Variants in RNF13 observed in about 807,000 individuals in gnomAD.
RNF13 encodes the protein E3 ubiquitin-protein ligase RNF13.
A neutral mutation model predicts 37.7 loss-of-function variants in RNF13; 19 were observed. That is an observed-to-expected ratio of 0.50 (90% CI 0.35 to 0.74). The LOEUF (loss-of-function observed/expected upper bound fraction) is 0.74. Ranked by LOEUF, RNF13 falls within the 30% of genes least tolerant of loss-of-function variation. The pLI, the probability that RNF13 is intolerant of heterozygous loss-of-function variation, is 0.01. For synonymous variants in RNF13, 144 were observed against 157.8 expected, an observed-to-expected ratio of 0.91 and a Z score of 0.65; for missense variants, 375 against 453.0, an observed-to-expected ratio of 0.83 and a Z score of 1.56.
intron 3 of RNF13, among the ~76,000 whole-genome samples, chr3:149,860,270 A>T (rs536414667): frequency 0.013 from 1,311 of 104,002 alleles, 16 homozygotes; most frequent in Non-Finnish European, 0.016. Flanking sequence ...AAAAAAAAAA[A>T]ATATATATAT....
chr3:149,898,501 T>A (rs985465575), intron 5 of RNF13, among the ~76,000 whole-genome samples: 24 of 152,246 alleles, frequency 1.6e-4, no homozygotes, highest in Admixed American at 5.2e-4. Flanking sequence ...GAATCCCAGC[T>A]TTACCACCTA....
intron 4 of RNF13, among the ~76,000 whole-genome samples, chr3:149,889,292 C>CGTGCGTGT (rs1553761925): frequency 1.4e-4 from 20 of 138,122 alleles, no homozygotes; most frequent in Admixed American, 6.6e-4. Flanking sequence ...TTTGAGTGTG[C>CGTGCGTGT]GTGTGTGTGT....
chr3:149,914,674 C>A (rs1199789517), intron 7 of RNF13, among the ~76,000 whole-genome samples: 11 of 152,104 alleles, frequency 7.2e-5, no homozygotes, highest in Admixed American at 5.9e-4. Flanking sequence ...GTGGCTCACA[C>A]CTGTAATCCC....
At chr3:149,930,979 C>A (rs146631318) in intron 8 of RNF13, among the ~76,000 whole-genome samples, 1 of 151,890 alleles carries the variant, frequency 6.6e-6, no homozygotes, top group Admixed American at 6.6e-5. Context: ...AGCTAGATAT[C>A]GATTTCATTT....
At chr3:149,880,220 G>C (rs1713228160) in intron 4 of RNF13, among the ~76,000 whole-genome samples, 1 of 152,156 alleles carries the variant, frequency 6.6e-6, no homozygotes, top group Non-Finnish European at 1.5e-5. Flanking sequence ...TGCACAGAAA[G>C]TTATTCTAAA....
intron 1 of RNF13, among the ~76,000 whole-genome samples, chr3:149,836,054 T>G (rs987878587): frequency 3.9e-5 from 6 of 152,154 alleles, no homozygotes; most frequent in Non-Finnish European, 7.4e-5. Context: ...CAACCTCCAT[T>G]TTTTAAAATT....
intron 8 of RNF13, among the ~76,000 whole-genome samples, chr3:149,923,106 C>T (rs1235211338): frequency 6.6e-6 from 1 of 151,552 alleles, no homozygotes; most frequent in African/African-American, 2.4e-5. Flanking sequence ...AAAAATAGAA[C>T]ACTTAACAAA....
intron 2 of RNF13, chr3:149,851,756 T>C (rs2108388699): frequency 6.6e-6 from 1 of 152,342 alleles, no homozygotes; most frequent in South Asian, 2.1e-4. Context: ...GAAACTCAGG[T>C]TTCATCCATT....
chr3:149,947,789 A>C (rs1308727401), intron 8 of RNF13, among the ~76,000 whole-genome samples: 1 of 151,894 alleles, frequency 6.6e-6, no homozygotes, highest in Non-Finnish European at 1.5e-5. Context: ...CTTTTTGGTG[A>C]ATTTACCATT....
At chr3:149,854,163 C>G (rs1723422087) in intron 3 of RNF13, among the ~76,000 whole-genome samples, 1 of 151,822 alleles carries the variant, frequency 6.6e-6, no homozygotes, top group African/African-American at 2.4e-5. Context: ...TACCACAAAC[C>G]TATTATTCTT....
chr3:149,858,789 A>G (rs1723919995), intron 3 of RNF13, among the ~76,000 whole-genome samples: 1 of 152,238 alleles, frequency 6.6e-6, no homozygotes, highest in African/African-American at 2.4e-5. Context: ...CCTCATCATT[A>G]TTCATTAAAT....
chr3:149,848,360 A>G (rs186417748), intron 2 of RNF13, among the ~76,000 whole-genome samples: 3 of 152,208 alleles, frequency 2.0e-5, no homozygotes, highest in African/African-American at 7.2e-5. Context: ...GTCCATAAGG[A>G]TAGAAGGCTG....
At chr3:149,959,971 A>G in intron 8 of RNF13, 85 bp from the exon 9 acceptor site, 1 of 832,886 alleles carries the variant, frequency 1.2e-6, no homozygotes, top group Non-Finnish European at 2.0e-6. Context: ...TTCAAAGATA[A>G]ATACATCAAA....
At chr3:149,895,640 C>A in intron 5 of RNF13, 80 bp downstream of exon 5, 1 of 996,548 alleles carries the variant, frequency 1.0e-6, no homozygotes, top group Non-Finnish European at 1.5e-6. Context: ...TTCCTTCTCT[C>A]ATTTTCTTTT....
chr3:149,959,122 ATAAGTTTTT>A (rs1722141008), intron 8 of RNF13, among the ~76,000 whole-genome samples: 1 of 152,230 alleles, frequency 6.6e-6, no homozygotes, highest in Admixed American at 6.5e-5. Context: ...TAAAAGTTTT[ATAAGTTTTT>A]ATCTAACATA....
At chr3:149,892,426 T>G (rs143769841) in intron 4 of RNF13, among the ~76,000 whole-genome samples, 2 of 152,208 alleles carry the variant, frequency 1.3e-5, no homozygotes, top group Non-Finnish European at 2.9e-5. Flanking sequence ...GATTATTACT[T>G]TGTCTCCTCT....
chr3:149,880,932 A>G (rs1281068348), intron 4 of RNF13, among the ~76,000 whole-genome samples: 1 of 152,188 alleles, frequency 6.6e-6, no homozygotes, highest in Non-Finnish European at 1.5e-5. Flanking sequence ...TAAGAAGTTT[A>G]TTTTTACTTG....
At chr3:149,874,126 G>A (rs902422771) in intron 4 of RNF13, among the ~76,000 whole-genome samples, 1 of 152,104 alleles carries the variant, frequency 6.6e-6, no homozygotes, top group Non-Finnish European at 1.5e-5. Flanking sequence ...ATGAATAAGG[G>A]TCTAGTCTGT....
rs533168015 is a variant in RNF13 at position 149,918,253 on chromosome 3, G to C, written c.607-2881G>C. 2.6e-5 allele frequency among the ~76,000 whole-genome samples: 4 copies of C among 152,190 alleles called. No individual in the cohort carries two copies. In the South Asian group the frequency reaches 8.3e-4, roughly 32 times the overall value. On this transcript the variant is annotated intron_variant, in intron 7 of 9. Transcript: ENST00000392894. ...TATACTTACAGCACATCCCAGTTCA[G>C]ACTATCTATGTTTCAAGTGCTCAGT... is the stretch of plus-strand genomic sequence containing the variant.
Sources: gnomAD v4.1 joint callset for allele counts (sites outside exome capture counted in the v4.1 genomes callset) on GRCh38, gnomAD v4.1.1 for gene constraint, MANE v1.5 for transcripts, NCBI Gene and HGNC (gene_info 2026-07-23, HGNC 2026-07-21) for gene names.